SPPL2B: variants seen among roughly 807,000 people sequenced by gnomAD.
SPPL2B encodes the protein signal peptide peptidase like 2B, also known as signal peptide peptidase-like 2B.
SPPL2B carries 39 observed loss-of-function variants against 59.7 expected under a neutral mutation model. The ratio of observed to expected loss-of-function variants is 0.65; its 90% confidence interval spans 0.51 to 0.85. The LOEUF is 0.85. SPPL2B is among the 40% of genes least tolerant of loss of function. The pLI is 0.00. For synonymous variants in SPPL2B, 419 were observed against 370.8 expected (o/e 1.13, Z -1.49); for missense variants, 865 against 849.0 (o/e 1.02, Z -0.23).
At chr19:2,348,463 C>T (rs1969625646) in intron 13 of SPPL2B, among the ~76,000 whole-genome samples, 2 of 141,752 alleles carry the variant, frequency 1.4e-5, no homozygotes, top group South Asian at 2.4e-4. Context: ...CGCTGTCATT[C>T]GCTTGATTCC....
intron 13 of SPPL2B, among the ~76,000 whole-genome samples, chr19:2,346,806 G>T (rs900134435): frequency 6.6e-6 from 1 of 152,210 alleles, no homozygotes; most frequent in Non-Finnish European, 1.5e-5. Context: ...AGCCCTCCCT[G>T]TTTGTGTCTG....
At position 2,332,818 on chromosome 19, in the gene SPPL2B, G is replaced by C. The variant is rs1295063993; in HGVS notation, c.67-1784G>C. On this transcript the variant is annotated intron_variant, in intron 1 of 14. Coordinates refer to ENST00000613503, the MANE Select transcript of SPPL2B (RefSeq NM_152988.3). This position sits in a 1 kb window ranked among gnomAD's most constrained non-coding sequence, Gnocchi z 4.6. ...AGTGTGGCACAGCAGCTGGGACCTG[G>C]GCCCCATCGCTGTGAGACCCTCTGG... 2.6e-5 allele frequency among the ~76,000 whole-genome samples: 4 copies of C among 152,172 alleles called. No homozygotes were observed. Among genetic ancestry groups the C allele is most frequent in the Non-Finnish European group, 5.9e-5 (4 of 68,030 alleles).
intron 13 of SPPL2B, among the ~76,000 whole-genome samples, chr19:2,345,993 TCTTTTC>T (rs1443671143): frequency 6.6e-6 from 1 of 152,276 alleles, no homozygotes. Context: ...TCTGTTCTTT[TCTTTTC>T]CTTTTCTTTC....
rs367590546 is a variant in SPPL2B, at chr19:2,334,743, G to A, written c.186+22G>A. On this transcript the variant is annotated intron_variant, in intron 2 of 14. Coordinates refer to ENST00000613503, the MANE Select transcript of SPPL2B (RefSeq NM_152988.3). Reference sequence around the variant, plus strand: ...GGCAGTGAGTACCCGCTGGCCGGGCGCCGCTGCGGAGGAGAATGCGGGGGC... The same window carrying A: ...GGCAGTGAGTACCCGCTGGCCGGGCACCGCTGCGGAGGAGAATGCGGGGGC... The A allele has an allele frequency of 6.8e-5, 105 of 1,538,088 alleles. No individual in the cohort carries two copies. In the African/African-American group the frequency reaches 1.1e-3, roughly 16 times the overall value.
chr19:2,333,221 AG>A (rs766485738), intron 1 of SPPL2B, among the ~76,000 whole-genome samples: 1 of 41,882 alleles, frequency 2.4e-5, no homozygotes, highest in African/African-American at 2.1e-4. Flanking sequence ...GAGCAGGAGG[AG>A]GGTGGGGATG....
Position 2,352,328 on chromosome 19 carries a change from A to G in SPPL2B, c.1516-618A>G, listed in dbSNP as rs545935963. On this transcript the variant is annotated intron_variant, in intron 14 of 14. Coordinates refer to ENST00000613503, the MANE Select transcript of SPPL2B (RefSeq NM_152988.3). ...GGGAGCAGCCCTGCGCCATAGGGCG[A>G]TCCTCAGGCTGTTGGGCATGGGTGC... Among the ~76,000 whole-genome samples, 23 of 152,178 alleles carry G rather than the reference A, an allele frequency of 1.5e-4. 1 individual carries two copies. Among genetic ancestry groups the G allele is most frequent in the East Asian group, 5.8e-4 (3 of 5,142 alleles).
intron 2 of SPPL2B, among the ~76,000 whole-genome samples, chr19:2,335,431 T>TC (rs1185371202): frequency 7.1e-6 from 1 of 140,290 alleles, no homozygotes; most frequent in Non-Finnish European, 1.5e-5. Flanking sequence ...CCGCCTCCTT[T>TC]CCCACTGCAT....
In SPPL2B at chr19:2,340,106, C is replaced by A; in HGVS notation, c.773C>A (p.Ala258Asp). The A allele has an allele frequency of 6.3e-7, 1 of 1,594,496 alleles. No homozygotes were observed. Among genetic ancestry groups the A allele is most frequent in the Non-Finnish European group, 8.5e-7 (1 of 1,175,954 alleles). ...GTGGTCATCGGGATCTTCTGCCTGGCCTCCGCCACCGGCCTCTACAGCTGC... is the reference window on the plus strand; with the variant it reads ...GTGGTCATCGGGATCTTCTGCCTGGACTCCGCCACCGGCCTCTACAGCTGC... ...VYVVIGIFCL[A>D]SATGLYSCLA... The change falls in exon 7 of 15, where the codon GCC becomes GAC. Residue 258 changes from alanine (A) to aspartate (D), a missense_variant. Physicochemically the swap from Ala to Asp is moderately radical, Grantham distance 126 (BLOSUM62 -2). Coordinates refer to ENST00000613503, the MANE Select transcript of SPPL2B (RefSeq NM_152988.3).
chr19:2,329,337 G>A (rs1968160582), intron 1 of SPPL2B, among the ~76,000 whole-genome samples: 1 of 152,208 alleles, frequency 6.6e-6, no homozygotes. Context: ...CTTGGACGAT[G>A]GAATTCGTGT....
At chr19:2,334,789 T>C in intron 2 of SPPL2B, 68 bp downstream of exon 2, 1 of 1,451,380 alleles carries the variant, frequency 6.9e-7, no homozygotes, top group Non-Finnish European at 9.1e-7. Flanking sequence ...TAGAGACACA[T>C]CCGGCTGGGG....
rs578113983 is a variant in SPPL2B, at chr19:2,353,475, C to T, written c.*266C>T. On this transcript the variant is annotated 3_prime_UTR_variant, in exon 15 of 15. Transcript: ENST00000613503. ...CGGGTCCATCCTCCCCACCGGGGTC[C>T]GTCCTCGCAGGCCCTGCCCGGCCTC... is the stretch of plus-strand genomic sequence containing the variant. 1.4e-5 allele frequency: 4 copies of T among 285,292 alleles called. No individual in the cohort carries two copies. Among genetic ancestry groups the T allele is most frequent in the South Asian group, 8.0e-5 (2 of 24,994 alleles). The allele number at this position is 285,292 out of a possible 1,614,324, so 17.7% of individuals were successfully genotyped here. A position where few individuals can be genotyped will look rare whatever the true frequency, so the allele number is the denominator to read the frequency against.
chr19:2,332,836 C>A lies in SPPL2B; in HGVS notation c.67-1766C>A, dbSNP rs1009626006. On this transcript the variant is annotated intron_variant, in intron 1 of 14. Coordinates refer to ENST00000613503, the MANE Select transcript of SPPL2B (RefSeq NM_152988.3). The surrounding 1 kb of genome is among the most constrained non-coding windows in gnomAD (Gnocchi z 4.6). ...GGACCTGGGCCCCATCGCTGTGAGA[C>A]CCTCTGGTGACTGGCATCCTGGCGA... is the stretch of plus-strand genomic sequence containing the variant. Among the ~76,000 whole-genome samples the A allele has an allele frequency of 6.6e-6, 1 of 152,146 alleles. No homozygotes were observed. Among genetic ancestry groups the A allele is most frequent in the African/African-American group, 2.4e-5 (1 of 41,424 alleles).
At chr19:2,334,797 G>A (rs1392445301) in intron 2 of SPPL2B, 76 bp downstream of exon 2, 1 of 1,445,706 alleles carries the variant, frequency 6.9e-7, no homozygotes, top group Non-Finnish European at 9.1e-7. Flanking sequence ...CATCCGGCTG[G>A]GGTTGCAGGA....
intron 2 of SPPL2B, among the ~76,000 whole-genome samples, chr19:2,335,779 G>A (rs1307622261): frequency 3.3e-5 from 5 of 152,138 alleles, no homozygotes; most frequent in African/African-American, 9.7e-5. Flanking sequence ...CTTTCCCACT[G>A]TGTCCCGCCC....
intron 1 of SPPL2B, among the ~76,000 whole-genome samples, chr19:2,329,716 C>T (rs938496598): frequency 4.6e-5 from 7 of 152,202 alleles, no homozygotes; most frequent in Admixed American, 1.3e-4. Context: ...CCTTTGTCCA[C>T]CACATCCCCA....
intron 1 of SPPL2B, among the ~76,000 whole-genome samples, chr19:2,329,081 G>C (rs1390831672): frequency 6.6e-6 from 1 of 152,250 alleles, no homozygotes; most frequent in East Asian, 1.9e-4. Flanking sequence ...GGGGTCTCCA[G>C]TTGCCGCCGG....
At chr19:2,346,301 G>A (rs1969365974) in intron 13 of SPPL2B, among the ~76,000 whole-genome samples, 1 of 152,230 alleles carries the variant, frequency 6.6e-6, no homozygotes, top group Non-Finnish European at 1.5e-5. Context: ...CCTCACACCT[G>A]CCTCCTGCAG....
Position 2,345,324 on chromosome 19 carries a change from AC to A in SPPL2B, c.1350del (p.Ile451SerfsTer9). ...CTCCAGGGTATACTTCGTGGCCTGC[AC>A]CATCGGTAAGTGCCTCGGTTGGGCC... The part of the protein sequence containing the change: ...QSSRVYFVAC[T>X]IAYGVGLLVT... On this transcript the variant is annotated frameshift_variant, in exon 13 of 15. Transcript: ENST00000613503. LOFTEE classifies it high-confidence loss of function. The A allele has an allele frequency of 6.2e-7, 1 of 1,613,034 alleles. No homozygotes were observed. The highest frequency in any genetic ancestry group is 8.5e-7 in the Non-Finnish European group (1 of 1,179,658).
chr19:2,337,820 GTC>G (rs1968745830), intron 3 of SPPL2B, 195 bp downstream of exon 3: 1 of 583,142 alleles, frequency 1.7e-6, no homozygotes, highest in South Asian at 2.3e-5. Context: ...GCGGAGATGA[GTC>G]TGTTCTTCCT....
Sources: gnomAD v4.1 joint callset for allele counts (sites outside exome capture counted in the v4.1 genomes callset) on GRCh38, gnomAD v4.1.1 for gene constraint, Gnocchi (gnomAD v3.1) non-coding constraint, MANE v1.5 for transcripts, NCBI Gene and HGNC (gene_info 2026-07-23, HGNC 2026-07-21) for gene names.